The following ADAMTSL1 variants were observed in gnomAD, a reference collection of about 807,000 sequenced individuals.
ADAMTSL1 encodes ADAMTS like 1.
A neutral mutation model predicts 201.8 loss-of-function variants in ADAMTSL1; 126 were observed. That is an observed-to-expected ratio of 0.62 (90% CI 0.54 to 0.72). The LOEUF (loss-of-function observed/expected upper bound fraction) is 0.72. Ranked by LOEUF, ADAMTSL1 falls within the 30% of genes least tolerant of loss-of-function variation. The pLI, the probability that ADAMTSL1 is intolerant of heterozygous loss-of-function variation, is 0.00. For missense variants in ADAMTSL1, 2,679 were observed against 2,277.8 expected, an observed-to-expected ratio of 1.18 and a Z score of -3.59; for synonymous variants, 1,121 against 903.4, an observed-to-expected ratio of 1.24 and a Z score of -4.32.
intron 4 of ADAMTSL1, among the ~76,000 whole-genome samples, chr9:18,609,679 A>G (rs977536933): frequency 1.3e-5 from 2 of 152,148 alleles, no homozygotes; most frequent in East Asian, 3.8e-4. Flanking sequence ...ATATATAATG[A>G]GAAAATACCT....
At chr9:17,928,041 C>T (rs1250120509) in intron 1 of ADAMTSL1, among the ~76,000 whole-genome samples, 1 of 150,550 alleles carries the variant, frequency 6.6e-6, no homozygotes, top group South Asian at 2.1e-4. Context: ...GTCGCCCAGG[C>T]TGGAGTGCAT....
intron 2 of ADAMTSL1, among the ~76,000 whole-genome samples, chr9:18,186,770 T>C (rs780629676): frequency 3.9e-5 from 6 of 152,088 alleles, no homozygotes; most frequent in East Asian, 1.9e-4. Flanking sequence ...TTCTTGGTCA[T>C]TGGTCATGCT....
In ADAMTSL1 at chr9:18,503,587, A is replaced by G. The variant is rs139967098; in HGVS notation, c.64-1242A>G. ...GTATCTTTATTATCTCCATCTTATG[A>G]TAAGAAAACTAAAGCATATGAGATT... On this transcript the variant is annotated intron_variant, in intron 1 of 28. Coordinates refer to ENST00000380548, the MANE Select transcript of ADAMTSL1 (RefSeq NM_001040272.6). 6.1e-3 allele frequency among the ~76,000 whole-genome samples: 920 copies of G among 152,060 alleles called. 9 individuals carry two copies. Among genetic ancestry groups the G allele is most frequent in the African/African-American group, 0.021 (874 of 41,474 alleles).
chr9:18,510,495 T>A lies in ADAMTSL1; in HGVS notation c.191+5539T>A, dbSNP rs550152051. ...CCAGGAACATACTGAGTAGAATCCTTTCCTTGGTTTCTCCCCTACCCTTTT... is the reference window on the plus strand; with the variant it reads ...CCAGGAACATACTGAGTAGAATCCTATCCTTGGTTTCTCCCCTACCCTTTT... On this transcript the variant is annotated intron_variant, in intron 2 of 28. Coordinates refer to ENST00000380548, the MANE Select transcript of ADAMTSL1 (RefSeq NM_001040272.6). Among the ~76,000 whole-genome samples, 8 of 149,414 alleles carry A rather than the reference T, an allele frequency of 5.4e-5. No individual in the cohort carries two copies. In the South Asian group the frequency reaches 1.7e-3, roughly 31 times the overall value.
At chr9:18,714,273 G>A (rs1434761972) in intron 14 of ADAMTSL1, among the ~76,000 whole-genome samples, 4 of 150,790 alleles carry the variant, frequency 2.7e-5, no homozygotes, top group African/African-American at 7.3e-5. Context: ...AGGAAATAGA[G>A]ACACAAAAAA....
intron 2 of ADAMTSL1, among the ~76,000 whole-genome samples, chr9:18,239,278 G>T (rs1018890644): frequency 3.9e-5 from 6 of 152,200 alleles, no homozygotes; most frequent in Non-Finnish European, 7.3e-5. Flanking sequence ...ATGTGATGCT[G>T]TTTGATGGCA....
chr9:17,916,623 C>T (rs996679793), intron 1 of ADAMTSL1, among the ~76,000 whole-genome samples: 4 of 152,234 alleles, frequency 2.6e-5, no homozygotes, highest in South Asian at 4.1e-4. Context: ...TGTCCACACA[C>T]GCGTAGGTCT....
intron 1 of ADAMTSL1, among the ~76,000 whole-genome samples, chr9:18,488,744 C>A (rs145032412): frequency 2.6e-5 from 4 of 152,298 alleles, no homozygotes; most frequent in Non-Finnish European, 5.9e-5. Flanking sequence ...GCTGAAATTT[C>A]CCTACCTCAT....
chr9:18,394,830 G>A (rs989086826), intron 2 of ADAMTSL1, among the ~76,000 whole-genome samples: 1 of 152,144 alleles, frequency 6.6e-6, no homozygotes, highest in South Asian at 2.1e-4. Context: ...CTATTAAATG[G>A]AACACTTAAT....
chr9:18,570,437 T>C (rs1017544931), intron 3 of ADAMTSL1, among the ~76,000 whole-genome samples: 1 of 152,208 alleles, frequency 6.6e-6, no homozygotes, highest in Non-Finnish European at 1.5e-5. Flanking sequence ...AGGGGTTCAA[T>C]GGATGTCTTA....
intron 2 of ADAMTSL1, among the ~76,000 whole-genome samples, chr9:18,353,563 C>A (rs993299317): frequency 1.3e-5 from 2 of 152,110 alleles, no homozygotes; most frequent in Non-Finnish European, 2.9e-5. Flanking sequence ...ACTTTGAATT[C>A]AAATATTTTA....
chr9:18,894,323 G>T (rs1211022467), intron 26 of ADAMTSL1, among the ~76,000 whole-genome samples: 1 of 147,632 alleles, frequency 6.8e-6, no homozygotes, highest in East Asian at 2.0e-4. Flanking sequence ...ACTCCAGCCT[G>T]GGTGACAGAG....
intron 15 of ADAMTSL1, among the ~76,000 whole-genome samples, chr9:18,733,260 A>G (rs1818315913): frequency 1.3e-5 from 2 of 152,184 alleles, no homozygotes; most frequent in South Asian, 2.1e-4. Flanking sequence ...CTTCATCTCT[A>G]TCAGATAACC....
At chr9:18,332,511 T>C (rs1175751162) in intron 2 of ADAMTSL1, among the ~76,000 whole-genome samples, 1 of 152,148 alleles carries the variant, frequency 6.6e-6, no homozygotes, top group Non-Finnish European at 1.5e-5. Context: ...AATATAGTGT[T>C]ACAATCATAG....
chr9:18,522,535 C>T (rs1818761256), intron 2 of ADAMTSL1, among the ~76,000 whole-genome samples: 1 of 152,022 alleles, frequency 6.6e-6, no homozygotes, highest in Middle Eastern at 3.4e-3. Context: ...TGGTGTGCTG[C>T]ACCCATTAAC....
intron 2 of ADAMTSL1, among the ~76,000 whole-genome samples, chr9:18,275,740 AT>A (rs758740026): frequency 4.6e-5 from 7 of 152,146 alleles, no homozygotes; most frequent in Non-Finnish European, 7.4e-5. Flanking sequence ...ATGTACCAGA[AT>A]TTGTTAATCC....
At chr9:18,054,264 C>T (rs762069131) in intron 1 of ADAMTSL1, among the ~76,000 whole-genome samples, 3 of 152,172 alleles carry the variant, frequency 2.0e-5, no homozygotes, top group Non-Finnish European at 2.9e-5. Flanking sequence ...TTACACGCAA[C>T]CCTACCTCTG....
intron 1 of ADAMTSL1, among the ~76,000 whole-genome samples, chr9:17,960,364 T>C (rs1191042117): frequency 6.6e-6 from 1 of 152,202 alleles, no homozygotes; most frequent in African/African-American, 2.4e-5. Context: ...TCCACATCGC[T>C]AATTTCCTAG....
In ADAMTSL1 at chr9:18,576,908, C is replaced by T. The variant is rs144562540; in HGVS notation, c.474+2642C>T. Among the ~76,000 whole-genome samples, 1,323 of 151,914 alleles carry T rather than the reference C, an allele frequency of 8.7e-3. 29 individuals are homozygous for T. Among genetic ancestry groups the T allele is most frequent in the African/African-American group, 0.03 (1,241 of 41,424 alleles). On this transcript the variant is annotated intron_variant, in intron 4 of 28. Coordinates refer to ENST00000380548, the MANE Select transcript of ADAMTSL1 (RefSeq NM_001040272.6). The stretch of plus-strand genomic sequence containing the variant: ...AGATGAGGAAACTGGAGGCTCAGGT[C>T]GATTTTATATCTTGCCCAGAGACTC...
Sources: gnomAD v4.1 joint callset for allele counts (sites outside exome capture counted in the v4.1 genomes callset) on GRCh38, gnomAD v4.1.1 for gene constraint, MANE v1.5 for transcripts, NCBI Gene and HGNC (gene_info 2026-07-23, HGNC 2026-07-21) for gene names.